Variants in RASAL2 observed in about 807,000 individuals in gnomAD.
RASAL2 encodes the protein ras GTPase-activating protein nGAP.
Under a neutral mutation model 128.9 loss-of-function variants are expected in RASAL2, and 58 were observed. That is an observed-to-expected ratio of 0.45 (90% CI 0.36 to 0.56). The LOEUF (loss-of-function observed/expected upper bound fraction) is 0.56, where lower values mean the gene tolerates loss of function less well. RASAL2 is among the 20% of genes least tolerant of loss of function. The pLI is 0.00. For synonymous variants in RASAL2, 561 were observed against 580.8 expected (o/e 0.97, Z 0.49); for missense variants, 1,360 against 1,601.6 (o/e 0.85, Z 2.57).
At chr1:178,277,508 A>G (rs1666580783) in intron 1 of RASAL2, among the ~76,000 whole-genome samples, 1 of 152,216 alleles carries the variant, frequency 6.6e-6, no homozygotes, top group Non-Finnish European at 1.5e-5. Flanking sequence ...CTTAGCTTTT[A>G]TGAAGTAATA....
At chr1:178,207,629 A>G (rs999206452) in intron 1 of RASAL2, among the ~76,000 whole-genome samples, 1 of 152,162 alleles carries the variant, frequency 6.6e-6, no homozygotes, top group Non-Finnish European at 1.5e-5. Flanking sequence ...GGGATTTTGG[A>G]TGATTCCTTT....
At chr1:178,449,824 A>G (rs923017126) in intron 9 of RASAL2, among the ~76,000 whole-genome samples, 1 of 152,168 alleles carries the variant, frequency 6.6e-6, no homozygotes, top group Non-Finnish European at 1.5e-5. Context: ...GGAGTTATTT[A>G]TCTGGCACTT....
At chr1:178,378,014 T>A (rs559447770) in intron 3 of RASAL2, among the ~76,000 whole-genome samples, 44 of 150,462 alleles carry the variant, frequency 2.9e-4, no homozygotes, top group Middle Eastern at 3.4e-3. Flanking sequence ...AACCTGATTT[T>A]AAAAAAAAGA....
In RASAL2 at chr1:178,434,353, T is replaced by C. The variant is rs184241187; in HGVS notation, c.675-5069T>C. Among the ~76,000 whole-genome samples, 5 of 152,274 alleles carry C rather than the reference T, an allele frequency of 3.3e-5. No individual in the cohort carries two copies. The East Asian group carries it at 9.7e-4, about 29-fold the overall frequency. On this transcript the variant is annotated intron_variant, in intron 5 of 17. Transcript: ENST00000367649. ...CTTCCTTCTGTATCCACCTTCACTG[T>C]GTGTATACATGTATATGTACCAAGT...
At chr1:178,312,772 G>C (rs888519160) in intron 3 of RASAL2, among the ~76,000 whole-genome samples, 1 of 152,062 alleles carries the variant, frequency 6.6e-6, no homozygotes, top group East Asian at 1.9e-4. Context: ...GCGCATTTGT[G>C]GTTGAATTAA....
intron 3 of RASAL2, among the ~76,000 whole-genome samples, chr1:178,302,345 G>A (rs6696241): frequency 0.75 from 114,705 of 152,090 alleles, 44,378 homozygotes; most frequent in African/African-American, 0.94. Context: ...TACAAAAATT[G>A]ATTGTCTATA....
At chr1:178,148,941 G>A (rs2101874394) in intron 1 of RASAL2, among the ~76,000 whole-genome samples, 1 of 152,156 alleles carries the variant, frequency 6.6e-6, no homozygotes, top group South Asian at 2.1e-4. Context: ...TCTCCGATCT[G>A]GAAAACAAAC....
chr1:178,388,662 C>G (rs1007482734), intron 3 of RASAL2, among the ~76,000 whole-genome samples: 1 of 152,168 alleles, frequency 6.6e-6, no homozygotes, highest in African/African-American at 2.4e-5. Flanking sequence ...AATCAGTGTC[C>G]AGCATGCAAA....
intron 3 of RASAL2, among the ~76,000 whole-genome samples, chr1:178,321,243 A>G (rs910635376): frequency 1.3e-5 from 2 of 151,862 alleles, no homozygotes; most frequent in Non-Finnish European, 2.9e-5. Flanking sequence ...GCCACCATGC[A>G]TGGCTAATTT....
At chr1:178,268,603 A>G (rs1324475644) in intron 1 of RASAL2, among the ~76,000 whole-genome samples, 1 of 152,154 alleles carries the variant, frequency 6.6e-6, no homozygotes, top group Non-Finnish European at 1.5e-5. Context: ...CCTGGGCAAC[A>G]AAGCAAGACC....
At chr1:178,446,226 G>T (rs990335277) in intron 9 of RASAL2, among the ~76,000 whole-genome samples, 4 of 152,144 alleles carry the variant, frequency 2.6e-5, no homozygotes, top group Non-Finnish European at 5.9e-5. Flanking sequence ...CTAGAGTAAG[G>T]TACTGTGCTG....
At chr1:178,325,279 G>A (rs1464086561) in intron 3 of RASAL2, among the ~76,000 whole-genome samples, 1 of 152,196 alleles carries the variant, frequency 6.6e-6, no homozygotes, top group Non-Finnish European at 1.5e-5. Flanking sequence ...GGATGAGAAG[G>A]AAGTAAAAGC....
chr1:178,130,987 G>C (rs904015218), intron 1 of RASAL2, among the ~76,000 whole-genome samples: 7 of 150,926 alleles, frequency 4.6e-5, no homozygotes, highest in Non-Finnish European at 1.0e-4. Context: ...CCGGGAGGCG[G>C]AGCTTGCAGT....
intron 1 of RASAL2, among the ~76,000 whole-genome samples, chr1:178,110,193 C>G (rs1376843029): frequency 1.3e-5 from 2 of 152,114 alleles, no homozygotes; most frequent in South Asian, 2.1e-4. Flanking sequence ...GTAATTCCCC[C>G]CTTTCCCCAG....
intron 4 of RASAL2, among the ~76,000 whole-genome samples, chr1:178,418,514 G>T (rs989937678): frequency 2.6e-5 from 4 of 152,040 alleles, no homozygotes; most frequent in Non-Finnish European, 5.9e-5. Flanking sequence ...TATATACTAG[G>T]AGTTTTTACA....
At chr1:178,260,092 C>T (rs897193294) in intron 1 of RASAL2, among the ~76,000 whole-genome samples, 3 of 151,270 alleles carry the variant, frequency 2.0e-5, no homozygotes, top group East Asian at 3.9e-4. Context: ...TTGGCTCACG[C>T]CTGTAATCCC....
At chr1:178,412,986 TTCTTTCTTTC>T (rs914950562) in intron 4 of RASAL2, among the ~76,000 whole-genome samples, 2 of 151,992 alleles carry the variant, frequency 1.3e-5, no homozygotes, top group African/African-American at 4.8e-5. Context: ...TTCTTTCTTT[TTCTTTCTTTC>T]TCTTTCTTTC....
intron 4 of RASAL2, chr1:178,411,755 G>A (rs1572027328): frequency 1.0e-5 from 8 of 797,072 alleles, no homozygotes; most frequent in East Asian, 7.3e-5. Flanking sequence ...AAGGCAGACC[G>A]AGATGAATCC....
intron 1 of RASAL2, among the ~76,000 whole-genome samples, chr1:178,145,589 T>C (rs1660708137): frequency 6.6e-6 from 1 of 151,152 alleles, no homozygotes; most frequent in Non-Finnish European, 1.5e-5. Flanking sequence ...ATATTAGTTT[T>C]AAGTTTGACA....
Sources: gnomAD v4.1 joint callset for allele counts (sites outside exome capture counted in the v4.1 genomes callset) on GRCh38, gnomAD v4.1.1 for gene constraint, MANE v1.5 for transcripts, NCBI Gene and HGNC (gene_info 2026-07-23, HGNC 2026-07-21) for gene names.